HPS5: variants seen among roughly 807,000 people sequenced by gnomAD.
HPS5 encodes the protein HPS5 biogenesis of lysosomal organelles complex 2 subunit 2.
In HPS5, 83 loss-of-function variants were observed where a neutral mutation model predicts 128.0. That is an observed-to-expected ratio of 0.65 (90% confidence interval 0.54 to 0.78). The LOEUF is 0.78. Among genes scored for constraint, HPS5 ranks in the 30% least tolerant of loss-of-function variants. The probability of loss-of-function intolerance (pLI) is 0.00; values close to 1 mark genes in which losing one functional copy is unlikely to be tolerated. For missense variants in HPS5, 1,281 were observed against 1,326.2 expected, an observed-to-expected ratio of 0.97 and a Z score of 0.53; for synonymous variants, 475 against 470.2, an observed-to-expected ratio of 1.01 and a Z score of -0.13.
intron 14 of HPS5, among the ~76,000 whole-genome samples, chr11:18,294,558 T>C (rs1265245900): frequency 6.6e-6 from 1 of 152,068 alleles, no homozygotes; most frequent in Non-Finnish European, 1.5e-5. Context: ...GGAGGGGAGT[T>C]ATGCAGGGGA....
chr11:18,287,106 C>A (rs1859844672), intron 18 of HPS5, among the ~76,000 whole-genome samples: 1 of 152,084 alleles, frequency 6.6e-6, no homozygotes, highest in Non-Finnish European at 1.5e-5. Context: ...AGGAGGAAGC[C>A]GCTAGTCTAA....
chr11:18,303,855 A>T (rs940884621), intron 8 of HPS5, among the ~76,000 whole-genome samples: 2 of 96,342 alleles, frequency 2.1e-5, no homozygotes, highest in Non-Finnish European at 3.9e-5. Flanking sequence ...CTCCGTCTCT[A>T]AAAAAAAAAA....
In HPS5 at chr11:18,278,984, A is replaced by C. The variant is rs189816738; in HGVS notation, c.*898T>G. On this transcript the variant is annotated 3_prime_UTR_variant, in exon 23 of 23. Coordinates refer to ENST00000349215, the MANE Select transcript of HPS5 (RefSeq NM_181507.2). ...AAAGATTACAGATAACACATTTCTA[A>C]GAATGAATTAGTCAGCTGTATATGG... 107 of 152,428 alleles carry C rather than the reference A, an allele frequency of 7.0e-4. No homozygotes were observed. The highest frequency in any genetic ancestry group is 2.5e-3 in the African/African-American group (102 of 41,594). The allele number at this position is 152,428 out of a possible 1,614,324, so 9.4% of individuals were successfully genotyped here.
chr11:18,315,934 A>T (rs1863571732), intron 2 of HPS5, among the ~76,000 whole-genome samples: 1 of 152,120 alleles, frequency 6.6e-6, no homozygotes, highest in Non-Finnish European at 1.5e-5. Context: ...AATCATCTAC[A>T]TTCTCCATAT....
intron 19 of HPS5, among the ~76,000 whole-genome samples, chr11:18,286,365 C>T (rs768488987): frequency 1.3e-5 from 2 of 151,972 alleles, no homozygotes; most frequent in African/African-American, 2.4e-5. Context: ...GGCCATAAGG[C>T]GAAATCTCAT....
intron 19 of HPS5, among the ~76,000 whole-genome samples, chr11:18,286,098 A>G (rs1382114614): frequency 2.0e-5 from 3 of 152,236 alleles, no homozygotes; most frequent in Non-Finnish European, 4.4e-5. Context: ...GGTGACCCCA[A>G]AAAATTTCAG....
chr11:18,308,031 G>C (rs1026423292), intron 6 of HPS5, among the ~76,000 whole-genome samples: 3 of 152,158 alleles, frequency 2.0e-5, no homozygotes, highest in African/African-American at 7.2e-5. Context: ...ATGGTCCTGA[G>C]AAATATGATA....
Position 18,296,124 on chromosome 11 carries a change from T to C in HPS5, c.1511-2A>G. 2 of 1,613,150 alleles carry C rather than the reference T, an allele frequency of 1.2e-6. No individual in the cohort carries two copies. The highest frequency in any genetic ancestry group is 4.5e-5 in the East Asian group (2 of 44,856). ...TCACTGGAGCATGAGAAACATTGTC[T>C]AATGAATGGAATCAGGAAAAAAAGA... On this transcript the variant is annotated splice_acceptor_variant, in intron 12 of 22. Transcript: ENST00000349215. LOFTEE classifies it high-confidence loss of function.
chr11:18,309,928 G>A (rs1483459384), intron 5 of HPS5, among the ~76,000 whole-genome samples: 1 of 152,156 alleles, frequency 6.6e-6, no homozygotes, highest in Non-Finnish European at 1.5e-5. Context: ...GCTTCAGCCT[G>A]GGCAATCAAG....
chr11:18,313,000 A>G (rs1288829196), intron 2 of HPS5, among the ~76,000 whole-genome samples: 2 of 152,190 alleles, frequency 1.3e-5, no homozygotes, highest in East Asian at 3.8e-4. Context: ...CAAAATTGTT[A>G]CTCATATTAC....
chr11:18,297,434 A>G (rs1360314798), intron 11 of HPS5, 125 bp downstream of exon 11: 2 of 830,556 alleles, frequency 2.4e-6, no homozygotes, highest in East Asian at 2.6e-5. Flanking sequence ...ACAAAAGTTC[A>G]CCCCTTCCCA....
rs759332789 is a variant in HPS5, at chr11:18,296,100, C to T, written c.1533G>A (p.Val511=). ...GNEDNVSHAP[V]MFETDKNETF... Reference sequence around the variant, plus strand: ...TTTCATTCTTATCTGTCTCAAACATCACTGGAGCATGAGAAACATTGTCTA... The same window carrying T: ...TTTCATTCTTATCTGTCTCAAACATTACTGGAGCATGAGAAACATTGTCTA... The change falls in exon 13 of 23, where the codon GTG becomes GTA. Residue 511 remains valine (V), a synonymous_variant. Transcript: ENST00000349215. 5.0e-6 allele frequency: 8 copies of T among 1,613,188 alleles called. No individual in the cohort carries two copies. The African/African-American group carries it at 1.1e-4, about 22-fold the overall frequency.
rs1258208400 is a variant in HPS5, at chr11:18,279,802, T to C, written c.*80A>G. The C allele has an allele frequency of 1.4e-6, 2 of 1,395,748 alleles. No homozygotes were observed. The highest frequency in any genetic ancestry group is 1.4e-5 in the African/African-American group (1 of 70,680). 86.5% of individuals were successfully genotyped at this position (1,395,748 alleles called of 1,614,324 possible). ...TTTGGGGGTGGTGTCTTTCCTTCAA[T>C]AACAAATGCGTTCAGAAGGTTCAGG... is the stretch of plus-strand genomic sequence containing the variant. On this transcript the variant is annotated 3_prime_UTR_variant, in exon 23 of 23. Transcript: ENST00000349215.
At chr11:18,285,324 T>C in intron 20 of HPS5, 22 bp downstream of exon 20, 2 of 1,470,854 alleles carry the variant, frequency 1.4e-6, no homozygotes, top group Middle Eastern at 1.7e-4. Flanking sequence ...TTAACTTCAG[T>C]TTCTAAAAAA....
intron 1 of HPS5, among the ~76,000 whole-genome samples, chr11:18,319,196 A>G (rs1284783300): frequency 6.6e-6 from 1 of 152,000 alleles, no homozygotes; most frequent in African/African-American, 2.4e-5. Context: ...GGTAAAAATA[A>G]GACAAGTAAA....
chr11:18,311,127 C>G (rs1200139214), intron 4 of HPS5, among the ~76,000 whole-genome samples, 194 bp from the exon 5 acceptor site: 6 of 152,184 alleles, frequency 3.9e-5, no homozygotes, highest in Non-Finnish European at 1.5e-5. Context: ...GTTAAATGAT[C>G]TAAATTATCT....
rs1403926679 is a variant in HPS5, at chr11:18,299,073, T to C, written c.986-103A>G. ...TAATAAATTCATTTCTTACGTAGGGTTTGGCTTGACTGAATTTCATCTCTA... is the reference window on the plus strand; with the variant it reads ...TAATAAATTCATTTCTTACGTAGGGCTTGGCTTGACTGAATTTCATCTCTA... On this transcript the variant is annotated intron_variant, in intron 9 of 22. Transcript: ENST00000349215. 23 of 1,129,008 alleles carry C rather than the reference T, an allele frequency of 2.0e-5. No individual in the cohort carries two copies. In the East Asian group the frequency reaches 4.7e-4, roughly 23 times the overall value. 69.9% of individuals were successfully genotyped at this position (1,129,008 alleles called of 1,614,324 possible).
intron 8 of HPS5, among the ~76,000 whole-genome samples, chr11:18,301,937 T>C (rs1422712611): frequency 6.6e-6 from 1 of 152,292 alleles, no homozygotes; most frequent in East Asian, 1.9e-4. Flanking sequence ...ACACAGAATC[T>C]ACTTCCTCCT....
intron 4 of HPS5, 107 bp from the exon 5 acceptor site, chr11:18,311,040 C>A: frequency 1.2e-6 from 1 of 829,032 alleles, no homozygotes; most frequent in Non-Finnish European, 2.1e-6. Flanking sequence ...TCTTGTTCTT[C>A]AGAAAAGAGG....
Sources: gnomAD v4.1 joint callset for allele counts (sites outside exome capture counted in the v4.1 genomes callset) on GRCh38, gnomAD v4.1.1 for gene constraint, MANE v1.5 for transcripts, NCBI Gene and HGNC (gene_info 2026-07-23, HGNC 2026-07-21) for gene names.